The following COL4A1 variants were observed in gnomAD, a reference collection of about 807,000 sequenced individuals.
The protein encoded by COL4A1 is collagen alpha-1(IV) chain.
Under a neutral mutation model 216.6 loss-of-function variants are expected in COL4A1, and 40 were observed. That is an observed-to-expected ratio of 0.18 (90% CI 0.14 to 0.24). The LOEUF is 0.24. COL4A1 is among the 10% of genes least tolerant of loss of function. The pLI is 1.00. For missense variants in COL4A1, 1,628 were observed against 2,196.8 expected, an observed-to-expected ratio of 0.74 and a Z score of 5.18; for synonymous variants, 839 against 810.7, an observed-to-expected ratio of 1.03 and a Z score of -0.59.
At chr13:110,230,305 G>C (rs2139230714) in intron 2 of COL4A1, among the ~76,000 whole-genome samples, 1 of 152,130 alleles carries the variant, frequency 6.6e-6, no homozygotes, top group South Asian at 2.1e-4. Flanking sequence ...TGTGTGGTGT[G>C]TGCGTGTATG....
At chr13:110,297,533 T>A (rs1348007785) in intron 1 of COL4A1, among the ~76,000 whole-genome samples, 1 of 152,192 alleles carries the variant, frequency 6.6e-6, no homozygotes, top group African/African-American at 2.4e-5. Flanking sequence ...TTTTTATTAA[T>A]TTTATTATTA....
intron 1 of COL4A1, chr13:110,266,169 C>T (rs1484129371): frequency 6.6e-6 from 1 of 152,222 alleles, no homozygotes; most frequent in African/African-American, 2.4e-5. Context: ...AGCGAAAGAT[C>T]GCCACTGAGA....
At chr13:110,200,533 TG>T (rs1879138851) in intron 20 of COL4A1, among the ~76,000 whole-genome samples, 1 of 152,038 alleles carries the variant, frequency 6.6e-6, no homozygotes, top group African/African-American at 2.4e-5. Flanking sequence ...AGACAGGACC[TG>T]CTCAGTGGGA....
At position 110,203,611 on chromosome 13, in the gene COL4A1, C is replaced by CA. The variant is rs749003041; in HGVS notation, c.958-5dup. ...GACCTGCTTCACCCTTTTCTCCCTA[C>CA]AAAAGAAAAAATAACTTTCCTTGCA... On this transcript the variant is annotated splice_polypyrimidine_tract_variant and splice_region_variant and intron_variant, in intron 17 of 51. Coordinates refer to ENST00000375820, the MANE Select transcript of COL4A1 (RefSeq NM_001845.6). The CA allele has an allele frequency of 1.1e-5, 18 of 1,613,398 alleles. No individual in the cohort carries two copies. In the African/African-American group the frequency reaches 1.6e-4, roughly 14 times the overall value.
chr13:110,197,517 A>T (rs1169741489), intron 21 of COL4A1, among the ~76,000 whole-genome samples: 2 of 152,116 alleles, frequency 1.3e-5, no homozygotes, highest in African/African-American at 4.8e-5. Context: ...GCAATATTTT[A>T]TCTTCATTTC....
intron 37 of COL4A1, among the ~76,000 whole-genome samples, 184 bp from the exon 38 acceptor site, chr13:110,174,933 G>A (rs956443616): frequency 4.6e-5 from 7 of 152,280 alleles, no homozygotes; most frequent in African/African-American, 1.7e-4. Context: ...AAGAGCAGTA[G>A]AGCCAACCAT....
intron 30 of COL4A1, 53 bp from the exon 31 acceptor site, chr13:110,179,089 G>A (rs747802288): frequency 6.4e-6 from 10 of 1,559,354 alleles, no homozygotes; most frequent in Middle Eastern, 1.9e-4. Flanking sequence ...CACGTCTCCC[G>A]GCCTAGGAGA....
chr13:110,242,272 G>C (rs1881601572), intron 2 of COL4A1, among the ~76,000 whole-genome samples: 4 of 152,160 alleles, frequency 2.6e-5, no homozygotes, highest in Admixed American at 2.6e-4. Flanking sequence ...TGGATTAAAA[G>C]ATGGTTTAAA....
At chr13:110,186,989 G>T (rs1174737074) in intron 25 of COL4A1, 149 bp downstream of exon 25, 12 of 1,075,460 alleles carry the variant, frequency 1.1e-5, no homozygotes, top group African/African-American at 1.6e-5. Flanking sequence ...GACTTAAGTT[G>T]TTCCATGAAC....
intron 2 of COL4A1, among the ~76,000 whole-genome samples, chr13:110,223,028 G>A (rs1880579047): frequency 6.6e-6 from 1 of 152,042 alleles, no homozygotes; most frequent in African/African-American, 2.4e-5. Flanking sequence ...GGTAAATGCG[G>A]TCAGCCTATA....
Position 110,166,374 on chromosome 13 carries a change from C to A in COL4A1, c.3950-71G>T, listed in dbSNP as rs139322033. 1.6e-5 allele frequency: 15 copies of A among 953,250 alleles called. No individual in the cohort carries two copies. The African/African-American group carries it at 1.8e-4, about 11-fold the overall frequency. 59.0% of individuals were successfully genotyped at this position (953,250 alleles called of 1,614,324 possible). On this transcript the variant is annotated intron_variant, in intron 44 of 51. Transcript: ENST00000375820. ...TATACAAATATGTGTGTGTATATAT[C>A]TCTCTCTAGTGCACACACATACATG...
intron 2 of COL4A1, among the ~76,000 whole-genome samples, chr13:110,230,463 A>G (rs1032945855): frequency 2.0e-5 from 3 of 152,092 alleles, no homozygotes; most frequent in Non-Finnish European, 4.4e-5. Flanking sequence ...GAGAGAAAGG[A>G]AAAGTGGATG....
intron 1 of COL4A1, among the ~76,000 whole-genome samples, chr13:110,300,750 C>T (rs992670303): frequency 6.6e-6 from 1 of 152,154 alleles, no homozygotes; most frequent in African/African-American, 2.4e-5. Context: ...GTATGTATTA[C>T]TAAACAATGG....
chr13:110,205,652 C>T (rs944289379), intron 15 of COL4A1, 114 bp from the exon 16 acceptor site: 2 of 1,149,786 alleles, frequency 1.7e-6, no homozygotes, highest in African/African-American at 3.1e-5. Context: ...CACCTGAGGT[C>T]AGGAGTTCGA....
chr13:110,177,064 G>A, intron 33 of COL4A1, 27 bp from the exon 34 acceptor site: 5 of 1,612,518 alleles, frequency 3.1e-6, no homozygotes, highest in Non-Finnish European at 4.2e-6. Flanking sequence ...AGGCACTGGT[G>A]AGCCTGGGCC....
chr13:110,212,615 G>T lies in COL4A1; in HGVS notation c.283C>A (p.Pro95Thr), dbSNP rs1879866255. The T allele has an allele frequency of 1.9e-6, 3 of 1,613,990 alleles. No homozygotes were observed. Among genetic ancestry groups the T allele is most frequent in the East Asian group, 4.5e-5 (2 of 44,886 alleles). ...CCAGGGTAGCCAGATGCTCCCGGAGGTCCCTGTGAGGGCGGAAGTAAAAGC... is the reference window on the plus strand; with the variant it reads ...CCAGGGTAGCCAGATGCTCCCGGAGTTCCCTGTGAGGGCGGAAGTAAAAGC... ...GLPGTKGTRGPPGASGYPGNP... is the reference protein window; with the variant it reads ...GLPGTKGTRGTPGASGYPGNP... Residue 95 changes from proline (P) to threonine (T), a missense_variant, in exon 5 of 52, where the codon CCT (proline) becomes ACT (threonine). This residue lies in a region of COL4A1 where 150 missense variants were observed against 211.9 expected (regional missense o/e 0.71). Coordinates refer to ENST00000375820, the MANE Select transcript of COL4A1 (RefSeq NM_001845.6).
In COL4A1 at chr13:110,207,597, G is replaced by C. The variant is rs538855536; in HGVS notation, c.694-108C>G. 4.6e-5 allele frequency: 38 copies of C among 827,968 alleles called. No homozygotes were observed. The highest frequency in any genetic ancestry group is 2.3e-4 in the Admixed American group (11 of 48,854). 51.3% of individuals were successfully genotyped at this position (827,968 alleles called of 1,614,324 possible). ...AAAATAAAACACCTATTTTTAAAAT[G>C]TAATTATACTCTATTCTGTTCTAAT... On this transcript the variant is annotated intron_variant, in intron 12 of 51. Transcript: ENST00000375820. The surrounding 1 kb of genome is among the most constrained non-coding windows in gnomAD (Gnocchi z 4.4).
In COL4A1 at chr13:110,180,745, C is replaced by T. The variant is rs539575392; in HGVS notation, c.2193+547G>A. Among the ~76,000 whole-genome samples the T allele has an allele frequency of 6.6e-4, 100 of 152,356 alleles. No homozygotes were observed. The Middle Eastern group carries it at 0.014, about 21-fold the overall frequency. On this transcript the variant is annotated intron_variant, in intron 29 of 51. Transcript: ENST00000375820. Reference sequence around the variant, plus strand: ...AGTTCTCAAGCCGGGGCAATCTGATCGCCCTAGTGACATTTGCCAATGTCT... The same window carrying T: ...AGTTCTCAAGCCGGGGCAATCTGATTGCCCTAGTGACATTTGCCAATGTCT...
At chr13:110,302,603 T>C (rs1202236829) in intron 1 of COL4A1, among the ~76,000 whole-genome samples, 1 of 152,044 alleles carries the variant, frequency 6.6e-6, no homozygotes, top group Non-Finnish European at 1.5e-5. Context: ...AGGAGAACAA[T>C]GGAGGGAAAC....
Sources: gnomAD v4.1 joint callset for allele counts (sites outside exome capture counted in the v4.1 genomes callset) on GRCh38, gnomAD v4.1.1 for gene constraint, gnomAD v4.1.1 regional missense constraint, Gnocchi (gnomAD v3.1) non-coding constraint, MANE v1.5 for transcripts, NCBI Gene and HGNC (gene_info 2026-07-23, HGNC 2026-07-21) for gene names.